The following ABCC4 variants were observed in gnomAD, a reference collection of about 807,000 sequenced individuals.
The protein encoded by ABCC4 is ATP binding cassette subfamily C member 4 (PEL blood group), also known as ATP-binding cassette sub-family C member 4.
ABCC4 carries 102 observed loss-of-function variants against 168.5 expected under a neutral mutation model. That is an observed-to-expected ratio of 0.61 (90% CI 0.52 to 0.71). The LOEUF (loss-of-function observed/expected upper bound fraction) is 0.71, where lower values mean the gene tolerates loss of function less well. ABCC4 is among the 30% of genes least tolerant of loss of function. The pLI is 0.00. For synonymous variants in ABCC4, 617 were observed against 590.7 expected (o/e 1.04, Z -0.65); for missense variants, 1,402 against 1,605.8 (o/e 0.87, Z 2.17).
chr13:95,236,557 T>TA (rs1305091467), intron 3 of ABCC4, among the ~76,000 whole-genome samples: 4 of 151,650 alleles, frequency 2.6e-5, no homozygotes, highest in Admixed American at 2.6e-4. Flanking sequence ...GTCATGATAT[T>TA]AAATCCCAAC....
chr13:95,138,743 G>A (rs139873813), intron 19 of ABCC4, among the ~76,000 whole-genome samples: 49 of 152,330 alleles, frequency 3.2e-4, no homozygotes, highest in African/African-American at 1.1e-3. Flanking sequence ...GGCAAGCACC[G>A]AAAGGTGACG....
At chr13:95,294,581 C>T (rs2041480780) in intron 1 of ABCC4, among the ~76,000 whole-genome samples, 1 of 152,132 alleles carries the variant, frequency 6.6e-6, no homozygotes, top group Admixed American at 6.6e-5. Context: ...GTCGTGGAAG[C>T]GAGACACCTT....
chr13:95,188,888 T>C (rs1159044294), intron 9 of ABCC4, among the ~76,000 whole-genome samples: 1 of 152,118 alleles, frequency 6.6e-6, no homozygotes, highest in Non-Finnish European at 1.5e-5. Context: ...AATATATATA[T>C]ATTTTTTACT....
chr13:95,177,818 A>ACT (rs1177705511), intron 12 of ABCC4, 25 bp from the exon 13 acceptor site: 2 of 1,588,716 alleles, frequency 1.3e-6, no homozygotes, highest in Non-Finnish European at 1.7e-6. Flanking sequence ...GAGGTATCAG[A>ACT]CTCTCACCCA....
At chr13:95,272,180 G>A (rs1461674886) in intron 1 of ABCC4, among the ~76,000 whole-genome samples, 2 of 152,044 alleles carry the variant, frequency 1.3e-5, no homozygotes, top group Non-Finnish European at 2.9e-5. Flanking sequence ...GAGTAGCTGG[G>A]ATTACAGGCA....
chr13:95,090,407 T>C (rs573104028), intron 20 of ABCC4, among the ~76,000 whole-genome samples: 66 of 152,254 alleles, frequency 4.3e-4, no homozygotes, highest in African/African-American at 1.3e-3. Context: ...CTGGTATCCA[T>C]GGCTGAGAGA....
chr13:95,188,238 C>T (rs768078459), intron 10 of ABCC4, among the ~76,000 whole-genome samples: 9 of 152,174 alleles, frequency 5.9e-5, no homozygotes, highest in Non-Finnish European at 1.3e-4. Flanking sequence ...TTCCCAATTG[C>T]TCAACTTGAA....
chr13:95,168,600 C>T (rs986842168), intron 14 of ABCC4, among the ~76,000 whole-genome samples: 11 of 152,136 alleles, frequency 7.2e-5, no homozygotes, highest in African/African-American at 2.2e-4. Context: ...TTATTTCCAT[C>T]GTTTTATTAA....
At chr13:95,102,867 C>T (rs569233861) in intron 20 of ABCC4, among the ~76,000 whole-genome samples, 15 of 151,590 alleles carry the variant, frequency 9.9e-5, no homozygotes, top group Admixed American at 5.9e-4. Flanking sequence ...GTGATCCACC[C>T]ACCTTGGCCT....
At chr13:95,049,865 G>GA (rs1370913009) in intron 27 of ABCC4, among the ~76,000 whole-genome samples, 2 of 152,070 alleles carry the variant, frequency 1.3e-5, no homozygotes, top group African/African-American at 4.8e-5. Flanking sequence ...GGTTAAAGAG[G>GA]AAAAAACTGA....
At chr13:95,022,303 A>G (rs909444301) in intron 30 of ABCC4, among the ~76,000 whole-genome samples, 2 of 152,230 alleles carry the variant, frequency 1.3e-5, no homozygotes, top group Non-Finnish European at 2.9e-5. Flanking sequence ...CTAAAATGTA[A>G]GATGATACCA....
At chr13:95,076,880 C>T (rs1390920004) in intron 21 of ABCC4, among the ~76,000 whole-genome samples, 1 of 152,172 alleles carries the variant, frequency 6.6e-6, no homozygotes, top group Admixed American at 6.5e-5. Context: ...CCACCTCAGG[C>T]TCCCAAGTAG....
rs865867417 is a variant in ABCC4, at chr13:95,196,651, A to G, written c.1162-1714T>C. Among the ~76,000 whole-genome samples, 180 of 31,532 alleles carry G rather than the reference A, an allele frequency of 5.7e-3. 18 individuals carry two copies. Among genetic ancestry groups the G allele is most frequent in the Non-Finnish European group, 7.0e-3 (118 of 16,788 alleles). The allele number at this position is 31,532 out of a possible 152,430, so 20.7% of individuals were successfully genotyped here. A position where few individuals can be genotyped will look rare whatever the true frequency, so the allele number is the denominator to read the frequency against. On this transcript the variant is annotated intron_variant, in intron 8 of 30. Transcript: ENST00000645237. ...AAGGAAGGAAGGAAGGAAGGAAGGAAGGAAGGAAGGAAGGAAGGAAGGAAG... is the reference window on the plus strand; with the variant it reads ...AAGGAAGGAAGGAAGGAAGGAAGGAGGGAAGGAAGGAAGGAAGGAAGGAAG...
In ABCC4 at chr13:95,107,787, T is replaced by A. The variant is rs1008934520; in HGVS notation, c.2535+8135A>T. Among the ~76,000 whole-genome samples the A allele has an allele frequency of 5.3e-5, 8 of 152,178 alleles. No homozygotes were observed. In the East Asian group the frequency reaches 1.5e-3, roughly 29 times the overall value. ...ACCAAATATCTACCAAAAAATAAAA[T>A]TAGCCAGGCGTGGTAGTACACACCT... On this transcript the variant is annotated intron_variant, in intron 20 of 30. Transcript: ENST00000645237.
chr13:95,090,159 C>G (rs1482015901), intron 20 of ABCC4, among the ~76,000 whole-genome samples: 1 of 152,094 alleles, frequency 6.6e-6, no homozygotes, highest in Non-Finnish European at 1.5e-5. Context: ...TAGCCCTGCC[C>G]CCACCTGATG....
chr13:95,176,250 T>G (rs1285547237), intron 13 of ABCC4, among the ~76,000 whole-genome samples: 3 of 56,630 alleles, frequency 5.3e-5, no homozygotes, highest in Admixed American at 2.6e-4. Context: ...GGGGGGTGGA[T>G]CCCTTGAGCC....
At chr13:95,123,033 A>G (rs1211756206) in intron 19 of ABCC4, among the ~76,000 whole-genome samples, 1 of 152,214 alleles carries the variant, frequency 6.6e-6, no homozygotes, top group East Asian at 1.9e-4. Flanking sequence ...TTTCAAAAGT[A>G]TGTATGTGTT....
At chr13:95,234,492 C>G in intron 4 of ABCC4, 118 bp downstream of exon 4, 1 of 786,706 alleles carries the variant, frequency 1.3e-6, no homozygotes, top group Non-Finnish European at 2.0e-6. Context: ...GGGTCTTGCT[C>G]TGTCACCCAG....
At chr13:95,193,346 T>G (rs2139640172) in intron 9 of ABCC4, among the ~76,000 whole-genome samples, 1 of 152,318 alleles carries the variant, frequency 6.6e-6, no homozygotes, top group East Asian at 1.9e-4. Flanking sequence ...TTAAGCAGCC[T>G]GAGCTGTTCC....
Sources: allele counts gnomAD v4.1 joint callset (sites outside exome capture counted in the v4.1 genomes callset), GRCh38; gene constraint gnomAD v4.1.1; transcripts MANE v1.5; gene names NCBI Gene and HGNC (gene_info 2026-07-23, HGNC 2026-07-21).